Variants in TRDMT1 observed in about 807,000 individuals in gnomAD.
The protein encoded by TRDMT1 is tRNA aspartic acid methyltransferase 1.
A neutral mutation model predicts 51.2 loss-of-function variants in TRDMT1; 49 were observed. That is an observed-to-expected ratio of 0.96 (90% CI 0.76 to 1.21). The LOEUF (loss-of-function observed/expected upper bound fraction) is 1.21, where lower values mean the gene tolerates loss of function less well. Ranked by LOEUF, TRDMT1 falls within the 50% of genes most tolerant of loss-of-function variation. TRDMT1 has a pLI of 0.00. For missense variants in TRDMT1, 534 were observed against 462.3 expected (o/e 1.16, Z -1.42); for synonymous variants, 187 against 164.6 (o/e 1.14, Z -1.04).
chr10:17,158,562 G>A (rs888557330), intron 7 of TRDMT1, among the ~76,000 whole-genome samples: 3 of 152,092 alleles, frequency 2.0e-5, no homozygotes, highest in Admixed American at 6.6e-5. Context: ...GGAGAGTTTC[G>A]CCGAAATGCT....
intron 1 of TRDMT1, among the ~76,000 whole-genome samples, chr10:17,186,952 G>C (rs73606347): frequency 0.024 from 3,604 of 152,240 alleles, 131 homozygotes; most frequent in African/African-American, 0.082. Context: ...GGTCACATTA[G>C]AATAAAGATT....
At chr10:17,151,268 AC>A (rs1165580173) in intron 10 of TRDMT1, 1 of 971,784 alleles carries the variant, frequency 1.0e-6, no homozygotes. Flanking sequence ...AAACTTAGAT[AC>A]ATTAAAAATA....
rs1045569924 is a variant in TRDMT1 at position 17,143,225 on chromosome 10, A to T, written c.*5815T>A. 47 of 985,352 alleles carry T rather than the reference A, an allele frequency of 4.8e-5. No individual in the cohort carries two copies. The highest frequency in any genetic ancestry group is 5.2e-5 in the African/African-American group (3 of 57,246). 61.0% of individuals were successfully genotyped at this position (985,352 alleles called of 1,614,324 possible). On this transcript the variant is annotated 3_prime_UTR_variant, in exon 11 of 11. Transcript: ENST00000377799. ...ATATTGATTCCAGTATGGTTCCTAC[A>T]TTCACTCATTCAACAACTATTTATT...
intron 1 of TRDMT1, among the ~76,000 whole-genome samples, chr10:17,200,936 C>A (rs1055114738): frequency 1.3e-5 from 2 of 152,174 alleles, no homozygotes; most frequent in African/African-American, 4.8e-5. Context: ...GAAACAGGTT[C>A]ATCACTGTTC....
intron 1 of TRDMT1, among the ~76,000 whole-genome samples, chr10:17,181,395 A>T (rs963476454): frequency 6.6e-6 from 1 of 152,096 alleles, no homozygotes; most frequent in Non-Finnish European, 1.5e-5. Context: ...CTACTCAATC[A>T]TCTCAGTGCT....
intron 10 of TRDMT1, chr10:17,150,647 T>C: frequency 5.1e-6 from 5 of 985,046 alleles, no homozygotes; most frequent in Non-Finnish European, 6.0e-6. Context: ...GAAAAACAAT[T>C]AGGAGCATTA....
intron 1 of TRDMT1, among the ~76,000 whole-genome samples, chr10:17,180,036 T>C (rs1843084163): frequency 6.6e-6 from 1 of 152,190 alleles, no homozygotes; most frequent in Admixed American, 6.5e-5. Context: ...GTAAGAAGTA[T>C]AGGTCTTCAG....
rs1837494179 is a variant in TRDMT1 at position 17,138,661 on chromosome 10, A to C, written c.*10379T>G. Among the ~76,000 whole-genome samples the C allele has an allele frequency of 6.6e-6, 1 of 152,226 alleles. No homozygotes were observed. The highest frequency in any genetic ancestry group is 1.5e-5 in the Non-Finnish European group (1 of 68,038). On this transcript the variant is annotated 3_prime_UTR_variant, in exon 11 of 11. Transcript: ENST00000377799. Reference sequence around the variant, plus strand: ...TCTTTGAGTAGAATGAAAAAGAATTATGAGTTAATCATTAACATTTAAATT... The same window carrying C: ...TCTTTGAGTAGAATGAAAAAGAATTCTGAGTTAATCATTAACATTTAAATT...
intron 1 of TRDMT1, among the ~76,000 whole-genome samples, chr10:17,184,232 C>A (rs1231100081): frequency 6.6e-6 from 1 of 151,972 alleles, no homozygotes; most frequent in Non-Finnish European, 1.5e-5. Flanking sequence ...GAGTGAATGA[C>A]CACTCATGAA....
intron 1 of TRDMT1, among the ~76,000 whole-genome samples, chr10:17,196,992 T>C (rs1845532136): frequency 6.6e-6 from 1 of 152,130 alleles, no homozygotes; most frequent in Admixed American, 6.6e-5. Context: ...GCACTGTTGG[T>C]GTAAGCTGTG....
In TRDMT1 at chr10:17,146,255, T is replaced by C; in HGVS notation, c.*2785A>G. 2.0e-6 allele frequency: 2 copies of C among 985,484 alleles called. No homozygotes were observed. The highest frequency in any genetic ancestry group is 2.4e-6 in the Non-Finnish European group (2 of 829,944). The allele number at this position is 985,484 out of a possible 1,614,324, so 61.0% of individuals were successfully genotyped here. ...TTGCCTCTTTAGAAGGCTCTCCTTT[T>C]TGAGGAAGAATAAGTTGGCTGAAGG... On this transcript the variant is annotated 3_prime_UTR_variant, in exon 11 of 11. Coordinates refer to ENST00000377799, the MANE Select transcript of TRDMT1 (RefSeq NM_004412.7).
rs562766569 is a variant in TRDMT1, at chr10:17,158,275, T to C, written c.544-491A>G. Among the ~76,000 whole-genome samples, 14 of 152,240 alleles carry C rather than the reference T, an allele frequency of 9.2e-5. No individual in the cohort carries two copies. In the East Asian group the frequency reaches 2.1e-3, roughly 23 times the overall value. Reference sequence around the variant, plus strand: ...AGGTTATTTCTACTCATGAGTCCTATGGGAAAAACTTGTTTCTGCAAAACA... The same window carrying C: ...AGGTTATTTCTACTCATGAGTCCTACGGGAAAAACTTGTTTCTGCAAAACA... On this transcript the variant is annotated intron_variant, in intron 7 of 10. Transcript: ENST00000377799.
At chr10:17,175,924 C>T (rs1436875635) in intron 1 of TRDMT1, among the ~76,000 whole-genome samples, 9 of 152,150 alleles carry the variant, frequency 5.9e-5, no homozygotes, top group African/African-American at 2.2e-4. Context: ...AAAGTAAGAT[C>T]CCCTGCGTGC....
At chr10:17,190,182 G>A (rs1844494497) in intron 1 of TRDMT1, among the ~76,000 whole-genome samples, 1 of 152,158 alleles carries the variant, frequency 6.6e-6, no homozygotes. Flanking sequence ...TTTTAGACAA[G>A]AGGAGAGCTG....
At chr10:17,151,378 C>T (rs889408495) in intron 10 of TRDMT1, 15 of 985,110 alleles carry the variant, frequency 1.5e-5, no homozygotes, top group South Asian at 4.7e-5. Context: ...TTCAAAAGCC[C>T]GCTACCGCAG....
chr10:17,148,722 T>A lies in TRDMT1; in HGVS notation c.*318A>T. 2.0e-6 allele frequency: 2 copies of A among 1,004,860 alleles called. No homozygotes were observed. Among genetic ancestry groups the A allele is most frequent in the Non-Finnish European group, 2.4e-6 (2 of 842,370 alleles). 62.2% of individuals were successfully genotyped at this position (1,004,860 alleles called of 1,614,324 possible). ...GTTATGACACTTCACAAGATACTCA[T>A]GTAGACACTAAAGCTCTAGTGCTCC... On this transcript the variant is annotated 3_prime_UTR_variant, in exon 11 of 11. Coordinates refer to ENST00000377799, the MANE Select transcript of TRDMT1 (RefSeq NM_004412.7).
At chr10:17,187,495 A>T (rs1205259319) in intron 1 of TRDMT1, among the ~76,000 whole-genome samples, 1 of 152,192 alleles carries the variant, frequency 6.6e-6, no homozygotes, top group Non-Finnish European at 1.5e-5. Context: ...TAATTCTACA[A>T]ATATTTGTTG....
At chr10:17,181,545 G>C (rs1038886649) in intron 1 of TRDMT1, among the ~76,000 whole-genome samples, 1 of 152,114 alleles carries the variant, frequency 6.6e-6, no homozygotes, top group Non-Finnish European at 1.5e-5. Context: ...ATCAACTCCA[G>C]ATTATTACTG....
At position 17,147,337 on chromosome 10, in the gene TRDMT1, T is replaced by C. The variant is rs1407024128; in HGVS notation, c.*1703A>G. 3.0e-6 allele frequency: 3 copies of C among 985,322 alleles called. No individual in the cohort carries two copies. Among genetic ancestry groups the C allele is most frequent in the Non-Finnish European group, 3.6e-6 (3 of 829,864 alleles). 61.0% of individuals were successfully genotyped at this position (985,322 alleles called of 1,614,324 possible). On this transcript the variant is annotated 3_prime_UTR_variant, in exon 11 of 11. Coordinates refer to ENST00000377799, the MANE Select transcript of TRDMT1 (RefSeq NM_004412.7). ...CTGGCTTACAGCTTCCCTACATTCA[T>C]ATTTATCTATGAGTTCTGAAAAATT...
Sources: gnomAD v4.1 joint callset for allele counts (sites outside exome capture counted in the v4.1 genomes callset) on GRCh38, gnomAD v4.1.1 for gene constraint, MANE v1.5 for transcripts, NCBI Gene and HGNC (gene_info 2026-07-23, HGNC 2026-07-21) for gene names.